SUMF1: variants seen among roughly 807,000 people sequenced by gnomAD.
SUMF1 encodes the protein formylglycine-generating enzyme.
SUMF1 carries 48 observed loss-of-function variants against 47.6 expected under a neutral mutation model. That is an observed-to-expected ratio of 1.01 (90% CI 0.80 to 1.28). The LOEUF (loss-of-function observed/expected upper bound fraction) is 1.28. Ranked by LOEUF, SUMF1 falls within the 50% of genes most tolerant of loss-of-function variation. The pLI is 0.00. For missense variants in SUMF1, 571 were observed against 485.4 expected (o/e 1.18, Z -1.66); for synonymous variants, 230 against 192.1 (o/e 1.20, Z -1.63).
At chr3:4,327,366 A>G (rs2125124031) in intron 8 of SUMF1, among the ~76,000 whole-genome samples, 2 of 152,282 alleles carry the variant, frequency 1.3e-5, no homozygotes, top group Admixed American at 1.3e-4. Context: ...CACCCAGAAG[A>G]GTCTTTTCCA....
At chr3:4,459,916 A>G (rs1170931183) in intron 1 of SUMF1, among the ~76,000 whole-genome samples, 1 of 152,172 alleles carries the variant, frequency 6.6e-6, no homozygotes, top group Non-Finnish European at 1.5e-5. Context: ...ACCCAATGCA[A>G]TTTTCCAACT....
intron 3 of SUMF1, among the ~76,000 whole-genome samples, chr3:4,423,954 A>T (rs1278346335): frequency 1.3e-5 from 2 of 152,186 alleles, no homozygotes; most frequent in East Asian, 3.8e-4. Flanking sequence ...CCTCCCCAAA[A>T]GCTGATACCA....
At chr3:4,401,696 T>C (rs1434029245) in intron 7 of SUMF1, among the ~76,000 whole-genome samples, 1 of 152,194 alleles carries the variant, frequency 6.6e-6, no homozygotes, top group East Asian at 1.9e-4. Flanking sequence ...CACTTAACCA[T>C]GGCTCTGTTA....
chr3:4,196,279 AAG>A (rs1695427662), intron 8 of SUMF1, among the ~76,000 whole-genome samples: 2 of 152,120 alleles, frequency 1.3e-5, no homozygotes. Context: ...TGAAGGAAGA[AAG>A]AGAAGAGGTG....
chr3:4,068,774 G>A, intron 8 of SUMF1: 1 of 332,300 alleles, frequency 3.0e-6, no homozygotes, highest in South Asian at 2.4e-5. Flanking sequence ...AGAAGAAGAA[G>A]AAATAATAAT....
intron 9 of SUMF1, among the ~76,000 whole-genome samples, chr3:4,046,278 G>A (rs375209110): frequency 1.3e-5 from 2 of 152,192 alleles, no homozygotes; most frequent in South Asian, 2.1e-4. Context: ...AGAAGCTTTC[G>A]TACCTAAGAA....
intron 8 of SUMF1, among the ~76,000 whole-genome samples, chr3:4,087,319 T>C (rs916758498): frequency 1.3e-5 from 2 of 152,156 alleles, no homozygotes; most frequent in African/African-American, 4.8e-5. Flanking sequence ...ATAGTTACCA[T>C]GCAGCATGCC....
intron 8 of SUMF1, among the ~76,000 whole-genome samples, chr3:4,236,200 T>G (rs1228255142): frequency 1.3e-5 from 2 of 152,050 alleles, no homozygotes; most frequent in Non-Finnish European, 2.9e-5. Flanking sequence ...TAGTAAAAAT[T>G]CAGTTTAAAA....
At position 4,376,378 on chromosome 3, in the gene SUMF1, A is replaced by C; in HGVS notation, c.966T>G (p.Pro322=). The C allele has an allele frequency of 6.2e-7, 1 of 1,614,160 alleles. No individual in the cohort carries two copies. Among genetic ancestry groups the C allele is most frequent in the Non-Finnish European group, 8.5e-7 (1 of 1,179,992 alleles). Residue 322 remains proline, a synonymous_variant, in exon 8 of 9, where the codon CCT becomes CCG. Coordinates refer to ENST00000272902, the MANE Select transcript of SUMF1 (RefSeq NM_182760.4). ...VEETLNPKGP[P]SGKDRVKKGG... is the part of the protein sequence containing the mutation. ...CTTTCTTCACTCGGTCTTTCCCAGAAGGGGGACCTTTCTACAGATGAAGAA... is the reference window on the plus strand; with the variant it reads ...CTTTCTTCACTCGGTCTTTCCCAGACGGGGGACCTTTCTACAGATGAAGAA...
rs575535035 is a variant in SUMF1, at chr3:4,266,722, C to T, written c.1014+109608G>A. Among the ~76,000 whole-genome samples the T allele has an allele frequency of 1.7e-4, 25 of 150,354 alleles. No homozygotes were observed. In the East Asian group the frequency reaches 4.7e-3, roughly 28 times the overall value. ...CTAATTGAATACCCTTTATTTCCTTCTCCTGCCTAATTGCCCTGGCCAGAA... is the reference window on the plus strand; with the variant it reads ...CTAATTGAATACCCTTTATTTCCTTTTCCTGCCTAATTGCCCTGGCCAGAA... On this transcript the variant is annotated intron_variant and NMD_transcript_variant, in intron 8 of 12. Transcript: ENST00000448413.
chr3:4,399,429 A>G (rs1701137797), intron 7 of SUMF1, among the ~76,000 whole-genome samples: 1 of 151,944 alleles, frequency 6.6e-6, no homozygotes, highest in Non-Finnish European at 1.5e-5. Context: ...CTGTGGGAAA[A>G]CTCTTTATGA....
At chr3:4,456,129 C>T (rs1176454683) in intron 1 of SUMF1, among the ~76,000 whole-genome samples, 2 of 152,154 alleles carry the variant, frequency 1.3e-5, no homozygotes, top group Admixed American at 6.5e-5. Context: ...ACCAAATGTT[C>T]ACCTCAATAT....
At chr3:4,393,099 T>C (rs921806458) in intron 7 of SUMF1, among the ~76,000 whole-genome samples, 1 of 152,200 alleles carries the variant, frequency 6.6e-6, no homozygotes, top group African/African-American at 2.4e-5. Flanking sequence ...ACACCTTTAA[T>C]GTCTCTGTTA....
intron 8 of SUMF1, among the ~76,000 whole-genome samples, chr3:4,247,468 A>G (rs1696696109): frequency 1.3e-5 from 2 of 152,222 alleles, no homozygotes; most frequent in Admixed American, 6.5e-5. Flanking sequence ...TAAAGTGGCA[A>G]TGTTCACTAT....
chr3:4,263,601 C>T (rs1697131240), intron 8 of SUMF1, among the ~76,000 whole-genome samples: 1 of 152,156 alleles, frequency 6.6e-6, no homozygotes, highest in South Asian at 2.1e-4. Context: ...CTCATGATTC[C>T]TGTCTTCTTT....
intron 8 of SUMF1, among the ~76,000 whole-genome samples, chr3:4,096,542 T>G (rs2125057574): frequency 6.6e-6 from 1 of 152,216 alleles, no homozygotes; most frequent in South Asian, 2.1e-4. Context: ...AGACAGCCAT[T>G]GTGCACAGCA....
chr3:4,423,808 T>C (rs74757088), intron 3 of SUMF1, among the ~76,000 whole-genome samples: 2,312 of 152,194 alleles, frequency 0.015, 70 homozygotes, highest in African/African-American at 0.053. Context: ...TGGTGATGAG[T>C]GAGCTCTCAC....
At chr3:4,265,094 G>A (rs1003016638) in intron 8 of SUMF1, among the ~76,000 whole-genome samples, 5 of 134,012 alleles carry the variant, frequency 3.7e-5, no homozygotes, top group Non-Finnish European at 7.6e-5. Context: ...CCAAGATTGC[G>A]CCACTGCACT....
intron 8 of SUMF1, chr3:4,313,201 C>G: frequency 6.2e-7 from 1 of 1,613,890 alleles, no homozygotes; most frequent in Non-Finnish European, 8.5e-7. Context: ...CTGGGGACTT[C>G]GTACCTTGGA....
Sources: allele counts gnomAD v4.1 joint callset (sites outside exome capture counted in the v4.1 genomes callset), GRCh38; gene constraint gnomAD v4.1.1; transcripts MANE v1.5; gene names NCBI Gene and HGNC (gene_info 2026-07-23, HGNC 2026-07-21).